The following RRN3 variants were observed in gnomAD, a reference collection of about 807,000 sequenced individuals.
The protein encoded by RRN3 is RNA polymerase I transcription factor RRN3, also known as RNA polymerase I-specific transcription initiation factor RRN3.
In RRN3, 38 loss-of-function variants were observed where a neutral mutation model predicts 82.3. That is an observed-to-expected ratio of 0.46 (90% CI 0.36 to 0.61). RRN3 has a LOEUF of 0.61. Among genes scored for constraint, RRN3 ranks in the 20% least tolerant of loss-of-function variants. The probability of loss-of-function intolerance (pLI) is 0.00; values close to 1 mark genes in which losing one functional copy is unlikely to be tolerated. For missense variants in RRN3, 726 were observed against 793.1 expected, an observed-to-expected ratio of 0.92 and a Z score of 1.02; for synonymous variants, 284 against 284.3, an observed-to-expected ratio of 1.00 and a Z score of 0.01.
chr16:15,061,556 G>C lies in RRN3; in HGVS notation c.*188C>G. The C allele has an allele frequency of 2.1e-6, 1 of 484,030 alleles. No homozygotes were observed. Among genetic ancestry groups the C allele is most frequent in the Non-Finnish European group, 3.7e-6 (1 of 270,390 alleles). The allele number at this position is 484,030 out of a possible 1,614,324, so 30.0% of individuals were successfully genotyped here. A position where few individuals can be genotyped will look rare whatever the true frequency, so the allele number is the denominator to read the frequency against. On this transcript the variant is annotated 3_prime_UTR_variant, in exon 18 of 18. Transcript: ENST00000198767. ...GATAGTCTTCATTTTGTCTGTAAGG[G>C]GAACAACAACAACAAAAAAACCCAG... is the stretch of plus-strand genomic sequence containing the variant.
chr16:15,087,917 T>C (rs1371029888), intron 3 of RRN3, among the ~76,000 whole-genome samples: 2 of 151,826 alleles, frequency 1.3e-5, no homozygotes, highest in African/African-American at 2.4e-5. Flanking sequence ...GAGTTCGAGA[T>C]GAGCCTAACC....
chr16:15,078,880 C>T (rs1446289236), intron 9 of RRN3, among the ~76,000 whole-genome samples: 1 of 149,946 alleles, frequency 6.7e-6, no homozygotes, highest in African/African-American at 2.5e-5. Flanking sequence ...GGCGCAATCT[C>T]GGCTCACTGC....
At chr16:15,089,814 G>C (rs1450200118) in intron 3 of RRN3, among the ~76,000 whole-genome samples, 2 of 115,326 alleles carry the variant, frequency 1.7e-5, no homozygotes, top group Non-Finnish European at 3.6e-5. Context: ...AAAAAAAACA[G>C]ATTAAAGGAT....
intron 11 of RRN3, among the ~76,000 whole-genome samples, chr16:15,074,179 C>A (rs189191832): frequency 6.6e-6 from 1 of 152,232 alleles, no homozygotes; most frequent in African/African-American, 2.4e-5. Flanking sequence ...ACAGCAAGAC[C>A]GTTAAAACAG....
At chr16:15,069,036 C>T (rs556310436) in intron 14 of RRN3, among the ~76,000 whole-genome samples, 1 of 152,276 alleles carries the variant, frequency 6.6e-6, no homozygotes, top group South Asian at 2.1e-4. Flanking sequence ...ATTTACTTAC[C>T]TTGTGATAAA....
chr16:15,094,154 G>A lies in RRN3; in HGVS notation c.80C>T (p.Ser27Leu). The change falls in exon 1 of 18, where the codon TCG (serine) becomes TTG (leucine). Residue 27 changes from serine to leucine, a missense_variant. Coordinates refer to ENST00000198767, the MANE Select transcript of RRN3 (RefSeq NM_018427.5). ...GCGGCCTGAATCTTACCCAGTCCTC[G>A]ACGCGCCCAGCTTCTTAACTGCAGA... ...SSSAVKKLGA[S>L]RTGISNMRAL... The A allele has an allele frequency of 8.1e-6, 13 of 1,599,042 alleles. No homozygotes were observed. The highest frequency in any genetic ancestry group is 3.5e-5 in the Admixed American group (2 of 57,854).
At chr16:15,072,348 G>C (rs1198475607) in intron 12 of RRN3, among the ~76,000 whole-genome samples, 1 of 152,032 alleles carries the variant, frequency 6.6e-6, no homozygotes, top group Non-Finnish European at 1.5e-5. Flanking sequence ...TCAACCCTTG[G>C]AAAGAATAAA....
At chr16:15,089,525 G>A (rs1418549002) in intron 3 of RRN3, among the ~76,000 whole-genome samples, 1 of 152,132 alleles carries the variant, frequency 6.6e-6, no homozygotes, top group Non-Finnish European at 1.5e-5. Flanking sequence ...CACTGGCCGG[G>A]CGTGGTTACT....
At chr16:15,085,567 C>G in intron 6 of RRN3, 72 bp downstream of exon 6, 1 of 1,580,916 alleles carries the variant, frequency 6.3e-7, no homozygotes, top group Non-Finnish European at 8.6e-7. Context: ...ATCCTCCCGT[C>G]TTGGCTTCCC....
Position 15,060,582 on chromosome 16 carries a change from AG to A in RRN3, c.*1161del, listed in dbSNP as rs1306769871. 6.5e-6 allele frequency: 1 copy of A among 153,322 alleles called. No individual in the cohort carries two copies. The highest frequency in any genetic ancestry group is 1.5e-5 in the Non-Finnish European group (1 of 68,780). The allele number at this position is 153,322 out of a possible 1,614,324, so 9.5% of individuals were successfully genotyped here. The stretch of plus-strand genomic sequence containing the variant: ...AAGTAAACAAAAAAGTACACATGTA[AG>A]AAACAAAGTGAAAATGCTTGAGCTT... On this transcript the variant is annotated 3_prime_UTR_variant, in exon 18 of 18. Coordinates refer to ENST00000198767, the MANE Select transcript of RRN3 (RefSeq NM_018427.5).
rs926536932 is a variant in RRN3, at chr16:15,061,557, G to GAAC, written c.*184_*186dup. ...ATAGTCTTCATTTTGTCTGTAAGGG[G>GAAC]AACAACAACAACAAAAAAACCCAGT... is the stretch of plus-strand genomic sequence containing the variant. On this transcript the variant is annotated 3_prime_UTR_variant, in exon 18 of 18. Coordinates refer to ENST00000198767, the MANE Select transcript of RRN3 (RefSeq NM_018427.5). 1.8e-5 allele frequency: 9 copies of GAAC among 488,366 alleles called. 1 individual carries two copies. Among genetic ancestry groups the GAAC allele is most frequent in the African/African-American group, 7.7e-5 (4 of 51,804 alleles). 30.3% of individuals were successfully genotyped at this position (488,366 alleles called of 1,614,324 possible). A position where few individuals can be genotyped will look rare whatever the true frequency, so the allele number is the denominator to read the frequency against.
chr16:15,077,327 T>TG (rs919055415), intron 9 of RRN3, among the ~76,000 whole-genome samples: 19 of 151,798 alleles, frequency 1.3e-4, no homozygotes, highest in East Asian at 5.8e-4. Flanking sequence ...CACATGTTGC[T>TG]GGGGGGGGAC....
intron 12 of RRN3, among the ~76,000 whole-genome samples, chr16:15,072,062 C>A (rs2045255658): frequency 6.6e-6 from 1 of 152,088 alleles, no homozygotes; most frequent in African/African-American, 2.4e-5. Context: ...AAAAAACAGA[C>A]ACAGCTTCTC....
At chr16:15,067,332 A>G (rs1424765831) in intron 15 of RRN3, among the ~76,000 whole-genome samples, 5 of 140,696 alleles carry the variant, frequency 3.6e-5, no homozygotes, top group African/African-American at 1.3e-4. Context: ...GAGCCAGACT[A>G]CATTTAAATC....
At chr16:15,071,037 T>C (rs1300153755) in intron 13 of RRN3, 84 bp downstream of exon 13, 2 of 1,196,302 alleles carry the variant, frequency 1.7e-6, no homozygotes, top group Admixed American at 4.7e-5. Flanking sequence ...CCAAAAAAAA[T>C]GGGAGATATT....
At chr16:15,084,273 G>C (rs371500532) in intron 7 of RRN3, among the ~76,000 whole-genome samples, 4 of 151,882 alleles carry the variant, frequency 2.6e-5, no homozygotes, top group East Asian at 1.9e-4. Flanking sequence ...CCCTCCAAAA[G>C]AAACCCACAA....
chr16:15,093,991 G>A (rs371940852), intron 1 of RRN3, 154 bp downstream of exon 1: 40 of 700,734 alleles, frequency 5.7e-5, no homozygotes, highest in East Asian at 4.9e-4. Flanking sequence ...CAGTTAGGAG[G>A]AATGAGCTCA....
Position 15,084,639 on chromosome 16 carries a change from C to A in RRN3, c.596+3G>T. The A allele has an allele frequency of 1.3e-6, 2 of 1,594,444 alleles. No homozygotes were observed. Among genetic ancestry groups the A allele is most frequent in the East Asian group, 2.2e-5 (1 of 44,646 alleles). On this transcript the variant is annotated splice_donor_region_variant and intron_variant, in intron 7 of 17. Transcript: ENST00000198767. Reference sequence around the variant, plus strand: ...CATTCAAAATAAGGAAAAGTATACTCACGATGGTACATATCTTGCTATTAT... The same window carrying A: ...CATTCAAAATAAGGAAAAGTATACTAACGATGGTACATATCTTGCTATTAT...
At chr16:15,066,498 T>C (rs1202696955) in intron 15 of RRN3, among the ~76,000 whole-genome samples, 2 of 151,880 alleles carry the variant, frequency 1.3e-5, no homozygotes, top group Non-Finnish European at 1.5e-5. Flanking sequence ...CTGGGCGTGG[T>C]GGCAGGCGCC....
Sources: allele counts gnomAD v4.1 joint callset (sites outside exome capture counted in the v4.1 genomes callset), GRCh38; gene constraint gnomAD v4.1.1; transcripts MANE v1.5; gene names NCBI Gene and HGNC (gene_info 2026-07-23, HGNC 2026-07-21).